The following C3orf20 variants were observed in gnomAD, a reference collection of about 807,000 sequenced individuals.
C3orf20 encodes family with sequence similarity 149 member C.
C3orf20 carries 76 observed loss-of-function variants against 88.3 expected under a neutral mutation model. The observed-to-expected ratio is 0.86, with a 90% confidence interval of 0.72 to 1.04. The LOEUF (loss-of-function observed/expected upper bound fraction) is 1.04, where lower values mean the gene tolerates loss of function less well. Ranked by LOEUF, C3orf20 falls within the 50% of genes least tolerant of loss-of-function variation. The pLI, the probability that C3orf20 is intolerant of heterozygous loss-of-function variation, is 0.00. For synonymous variants in C3orf20, 436 were observed against 437.4 expected, an observed-to-expected ratio of 1.00 and a Z score of 0.04; for missense variants, 1,056 against 1,123.3, an observed-to-expected ratio of 0.94 and a Z score of 0.86.
intron 9 of C3orf20, 145 bp downstream of exon 9, chr3:14,715,554 A>G: frequency 9.3e-7 from 1 of 1,080,874 alleles, no homozygotes. Context: ...TCATAATCTC[A>G]TTCAGAGGTT....
chr3:14,704,517 T>C lies in C3orf20; in HGVS notation c.1059T>C (p.Ser353=). The C allele has an allele frequency of 6.2e-7, 1 of 1,614,146 alleles. No homozygotes were observed. Among genetic ancestry groups the C allele is most frequent in the Non-Finnish European group, 8.5e-7 (1 of 1,180,014 alleles). ...CTCTCAGCCCCACCTCTCACCCATC[T>C]TCTGCCAACCATCATTTCAGTCAGC... ...AQTLSPTSHP[S]SANHHFSQHC... The change falls in exon 7 of 17, where the codon TCT becomes TCC. Residue 353 remains serine (S), a synonymous_variant. Coordinates refer to ENST00000253697, the MANE Select transcript of C3orf20 (RefSeq NM_032137.5).
At chr3:14,694,305 G>T (rs1452814375) in intron 5 of C3orf20, among the ~76,000 whole-genome samples, 3 of 152,134 alleles carry the variant, frequency 2.0e-5, no homozygotes, top group African/African-American at 7.2e-5. Context: ...TGACAGTGAA[G>T]CTATTGGGTC....
intron 12 of C3orf20, among the ~76,000 whole-genome samples, chr3:14,748,534 G>T (rs1298984149): frequency 6.6e-6 from 1 of 152,056 alleles, no homozygotes; most frequent in Admixed American, 6.6e-5. Flanking sequence ...CTGCTTTAAG[G>T]TTAGGTTAGA....
At chr3:14,728,341 G>A in intron 11 of C3orf20, 98 bp from the exon 12 acceptor site, 1 of 1,464,180 alleles carries the variant, frequency 6.8e-7, no homozygotes, top group Non-Finnish European at 9.4e-7. Flanking sequence ...AGGAGATGGG[G>A]GTGAGCCAAG....
At chr3:14,680,293 T>A (rs1029145717) in intron 1 of C3orf20, among the ~76,000 whole-genome samples, 1 of 152,186 alleles carries the variant, frequency 6.6e-6, no homozygotes, top group Non-Finnish European at 1.5e-5. Flanking sequence ...TTGTGGTATA[T>A]CCATACAGTG....
rs1559444417 is a variant in C3orf20 at position 14,757,627 on chromosome 3, A to T, written c.2197A>T (p.Thr733Ser). The change falls in exon 13 of 17, where the codon ACT becomes TCT. Residue 733 changes from threonine (T) to serine (S), a missense_variant. Coordinates refer to ENST00000253697, the MANE Select transcript of C3orf20 (RefSeq NM_032137.5). ...STGQLQWLLN[T>S]LYNHQQRGRG... ...TGGGCAGCTCCAGTGGCTGCTGAAC[A>T]CTCTCTACAACCACCAGCAGCGGGG... 2.5e-6 allele frequency: 4 copies of T among 1,612,800 alleles called. No individual in the cohort carries two copies. The highest frequency in any genetic ancestry group is 2.5e-6 in the Non-Finnish European group (3 of 1,179,526).
rs183784132 is a variant in C3orf20, at chr3:14,682,456, C to A, written c.-136-122C>A. 12 of 495,018 alleles carry A rather than the reference C, an allele frequency of 2.4e-5. No individual in the cohort carries two copies. The East Asian group carries it at 3.9e-4, about 16-fold the overall frequency. 30.7% of individuals were successfully genotyped at this position (495,018 alleles called of 1,614,324 possible). A position where few individuals can be genotyped will look rare whatever the true frequency, so the allele number is the denominator to read the frequency against. On this transcript the variant is annotated intron_variant, in intron 2 of 16. Coordinates refer to ENST00000253697, the MANE Select transcript of C3orf20 (RefSeq NM_032137.5). ...AACCATACTTATCATCAGACCTTTCCCAAAGTGACTCACTAACATTGGTCT... is the reference window on the plus strand; with the variant it reads ...AACCATACTTATCATCAGACCTTTCACAAAGTGACTCACTAACATTGGTCT...
intron 7 of C3orf20, among the ~76,000 whole-genome samples, chr3:14,707,485 GTGTGTGTT>G (rs1459400275): frequency 5.4e-5 from 8 of 149,016 alleles, no homozygotes; most frequent in Non-Finnish European, 8.9e-5. Context: ...GTGTGTGTGT[GTGTGTGTT>G]TTGGTGTATC....
intron 9 of C3orf20, among the ~76,000 whole-genome samples, chr3:14,717,896 GTCTT>G (rs1299944843): frequency 3.9e-5 from 6 of 151,984 alleles, no homozygotes; most frequent in African/African-American, 7.2e-5. Flanking sequence ...TTCTGTGTCT[GTCTT>G]CTATAGTTTA....
At chr3:14,721,542 C>G (rs1223385300) in intron 9 of C3orf20, 111 bp from the exon 10 acceptor site, 1 of 1,439,244 alleles carries the variant, frequency 6.9e-7, no homozygotes, top group Non-Finnish European at 9.4e-7. Flanking sequence ...AAAGCTCTTA[C>G]AAATCTTCTG....
intron 9 of C3orf20, 133 bp from the exon 10 acceptor site, chr3:14,721,520 C>T: frequency 1.6e-6 from 2 of 1,285,030 alleles, no homozygotes; most frequent in Non-Finnish European, 1.1e-6. Flanking sequence ...GGAATTCTAA[C>T]ATAAGAACTG....
chr3:14,712,184 A>ATG (rs1559413747), intron 7 of C3orf20, among the ~76,000 whole-genome samples: 10 of 12,352 alleles, frequency 8.1e-4, no homozygotes, highest in Middle Eastern at 0.038. Flanking sequence ...GCGCGCGCGC[A>ATG]CACACACACA....
At chr3:14,707,589 A>T (rs917202878) in intron 7 of C3orf20, among the ~76,000 whole-genome samples, 1 of 152,032 alleles carries the variant, frequency 6.6e-6, no homozygotes. Flanking sequence ...GGTTCTTTAC[A>T]TATTGTGCAT....
Position 14,757,433 on chromosome 3 carries a change from T to G in C3orf20, c.2003T>G (p.Leu668Arg). Residue 668 changes from leucine (L) to arginine (R), a missense_variant, in exon 13 of 17, where the codon CTG becomes CGG. Leu to Arg is a moderately radical substitution (Grantham distance 102). Coordinates refer to ENST00000253697, the MANE Select transcript of C3orf20 (RefSeq NM_032137.5). Reference sequence around the variant, plus strand: ...GCGGCCTTGCCCTCAGACTGCCCGCTGGTGCTGCGGAAGCTCATGCTCAAG... The same window carrying G: ...GCGGCCTTGCCCTCAGACTGCCCGCGGGTGCTGCGGAAGCTCATGCTCAAG... ...RWAALPSDCP[L>R]VLRKLMLKED... 1 of 1,612,226 alleles carries G rather than the reference T, an allele frequency of 6.2e-7. No homozygotes were observed. Among genetic ancestry groups the G allele is most frequent in the Non-Finnish European group, 8.5e-7 (1 of 1,179,894 alleles).
chr3:14,695,882 A>G (rs2032974119), intron 5 of C3orf20, among the ~76,000 whole-genome samples: 1 of 151,992 alleles, frequency 6.6e-6, no homozygotes, highest in Non-Finnish European at 1.5e-5. Context: ...GCGTCTTTAT[A>G]AGTAGAGTGT....
At chr3:14,745,119 C>T (rs893324361) in intron 12 of C3orf20, among the ~76,000 whole-genome samples, 1 of 152,152 alleles carries the variant, frequency 6.6e-6, no homozygotes, top group Non-Finnish European at 1.5e-5. Flanking sequence ...CCTGTTAGAG[C>T]AGGAAGGGGA....
chr3:14,675,477 A>G (rs115473408), intron 1 of C3orf20, among the ~76,000 whole-genome samples: 144 of 149,538 alleles, frequency 9.6e-4, no homozygotes, highest in African/African-American at 3.4e-3. Flanking sequence ...AGAAAATCCA[A>G]ATGTTCAAAG....
Position 14,704,301 on chromosome 3 carries a change from A to G in C3orf20, c.879-36A>G, listed in dbSNP as rs1305905493. On this transcript the variant is annotated intron_variant, in intron 6 of 16. Coordinates refer to ENST00000253697, the MANE Select transcript of C3orf20 (RefSeq NM_032137.5). ...GAGCATCCCTGGTGCTTGAGAACCAAAAGGCTAGACAATATATTGCTCTCC... is the reference window on the plus strand; with the variant it reads ...GAGCATCCCTGGTGCTTGAGAACCAGAAGGCTAGACAATATATTGCTCTCC... The G allele has an allele frequency of 4.4e-6, 7 of 1,606,638 alleles. No homozygotes were observed. In the Middle Eastern group the frequency reaches 6.8e-4, roughly 155 times the overall value.
At chr3:14,702,955 T>G (rs2033335371) in intron 5 of C3orf20, among the ~76,000 whole-genome samples, 175 bp from the exon 6 acceptor site, 1 of 151,834 alleles carries the variant, frequency 6.6e-6, no homozygotes, top group African/African-American at 2.4e-5. Context: ...TGGGAAAAAA[T>G]GGCCAAAACA....
Sources: gnomAD v4.1 joint callset for allele counts (sites outside exome capture counted in the v4.1 genomes callset) on GRCh38, gnomAD v4.1.1 for gene constraint, MANE v1.5 for transcripts, NCBI Gene and HGNC (gene_info 2026-07-23, HGNC 2026-07-21) for gene names.